The following HYDIN variants were observed in gnomAD, a reference collection of about 807,000 sequenced individuals.
The protein encoded by HYDIN is HYDIN axonemal central pair apparatus protein.
HYDIN carries 132 observed loss-of-function variants against 403.9 expected under a neutral mutation model. The ratio of observed to expected loss-of-function variants is 0.33; its 90% confidence interval spans 0.28 to 0.38. HYDIN has a LOEUF of 0.38. Among genes scored for constraint, HYDIN ranks in the 10% least tolerant of loss-of-function variants. HYDIN has a pLI of 1.00. For missense variants in HYDIN, 2,827 were observed against 5,009.5 expected (o/e 0.56, Z 13.15); for synonymous variants, 1,202 against 1,891.7 (o/e 0.64, Z 9.46).
chr16:70,992,684 C>T (rs1466537146), intron 23 of HYDIN, among the ~76,000 whole-genome samples: 1 of 151,218 alleles, frequency 6.6e-6, no homozygotes, highest in East Asian at 2.0e-4. Flanking sequence ...CCTGGAAGTG[C>T]AGGCTCGGGT....
chr16:70,921,849 T>C, intron 45 of HYDIN, among the ~76,000 whole-genome samples: 1 of 152,206 alleles, frequency 6.6e-6, no homozygotes. Flanking sequence ...GCTTTTAAAA[T>C]ATGTATTTAT....
chr16:71,010,290 T>A (rs560673664), intron 23 of HYDIN, among the ~76,000 whole-genome samples: 2 of 152,228 alleles, frequency 1.3e-5, no homozygotes, highest in South Asian at 4.2e-4. Flanking sequence ...CGCAAATACT[T>A]GAGCTCACAG....
chr16:70,841,290 C>A (rs1356035830), intron 75 of HYDIN, among the ~76,000 whole-genome samples: 1 of 152,120 alleles, frequency 6.6e-6, no homozygotes, highest in Non-Finnish European at 1.5e-5. Flanking sequence ...ATCTTCAACT[C>A]TTCTGCCAAC....
chr16:70,867,079 C>T (rs2039804185), intron 66 of HYDIN, among the ~76,000 whole-genome samples: 2 of 142,660 alleles, frequency 1.4e-5, no homozygotes, highest in African/African-American at 5.1e-5. Flanking sequence ...AGGATATTTG[C>T]AGACAAATAA....
chr16:71,205,640 T>G (rs1269327620), intron 1 of HYDIN, among the ~76,000 whole-genome samples: 1 of 152,174 alleles, frequency 6.6e-6, no homozygotes, highest in Non-Finnish European at 1.5e-5. Flanking sequence ...CAGGGCTCAG[T>G]GTCAGCTTCT....
At chr16:71,212,282 T>C (rs1332907979) in intron 1 of HYDIN, among the ~76,000 whole-genome samples, 1 of 152,180 alleles carries the variant, frequency 6.6e-6, no homozygotes, top group East Asian at 1.9e-4. Context: ...CCAGCTAATG[T>C]ATATAAGGGA....
chr16:71,207,704 C>T (rs1474030342), intron 1 of HYDIN, among the ~76,000 whole-genome samples: 2 of 151,868 alleles, frequency 1.3e-5, no homozygotes, highest in African/African-American at 4.8e-5. Context: ...CACCCATAGG[C>T]TTGAAGTAAA....
At chr16:70,879,981 A>C (rs538510463) in intron 60 of HYDIN, among the ~76,000 whole-genome samples, 1 of 54,868 alleles carries the variant, frequency 1.8e-5, no homozygotes, top group African/African-American at 1.2e-4. Flanking sequence ...TTGATGAACT[A>C]AGCCAGGAAT....
intron 85 of HYDIN, 89 bp downstream of exon 85, chr16:70,809,694 A>C: frequency 9.5e-7 from 1 of 1,048,724 alleles, no homozygotes; most frequent in East Asian, 2.4e-5. Flanking sequence ...TCTGAGTCTC[A>C]CATTCATGCT....
chr16:70,923,820 CAAAAA>C (rs11316592), intron 45 of HYDIN, among the ~76,000 whole-genome samples: 1 of 50,374 alleles, frequency 2.0e-5, no homozygotes. Flanking sequence ...GACTCTGTCT[CAAAAA>C]AAAAAAAAAA....
intron 14 of HYDIN, among the ~76,000 whole-genome samples, chr16:71,068,212 G>A (rs1207579933): frequency 6.7e-6 from 1 of 148,768 alleles, no homozygotes; most frequent in Non-Finnish European, 1.5e-5. Context: ...TGTATGTACT[G>A]GAAGAGATAG....
Position 70,872,059 on chromosome 16 carries a change from G to C in HYDIN, c.11069C>G (p.Ala3690Gly), listed in dbSNP as rs1020537578. 1.9e-6 allele frequency: 3 copies of C among 1,579,736 alleles called. No homozygotes were observed. Among genetic ancestry groups the C allele is most frequent in the Non-Finnish European group, 2.6e-6 (3 of 1,168,070 alleles). ...TACCTGTGGGGAGAAAGCAATTGTAGCTGAAACAGGCCATTCAAACCGTAT... is the reference window on the plus strand; with the variant it reads ...TACCTGTGGGGAGAAAGCAATTGTACCTGAAACAGGCCATTCAAACCGTAT... ...NLIRFEWPVSATIAFSPQMGH... is the reference protein window; with the variant it reads ...NLIRFEWPVSGTIAFSPQMGH... Residue 3690 changes from alanine to glycine, a missense_variant, in exon 65 of 86, where the codon GCT becomes GGT. Physicochemically the swap from Ala to Gly is moderately conservative, Grantham distance 60. Coordinates refer to ENST00000393567, the MANE Select transcript of HYDIN (RefSeq NM_001270974.2).
rs963438035 is a variant in HYDIN at position 70,946,858 on chromosome 16, G to C, written c.6532-2909C>G. 2.0e-5 allele frequency among the ~76,000 whole-genome samples: 3 copies of C among 152,168 alleles called. No individual in the cohort carries two copies. In the East Asian group the frequency reaches 5.8e-4, roughly 29 times the overall value. On this transcript the variant is annotated intron_variant, in intron 41 of 85. Coordinates refer to ENST00000393567, the MANE Select transcript of HYDIN (RefSeq NM_001270974.2). ...GTGTTGGATTAAATATCATTCAAAA[G>C]ATCAGGATTGTGATTTTTGTACATT...
intron 30 of HYDIN, 54 bp downstream of exon 30, chr16:70,978,860 C>T (rs1400764493): frequency 6.8e-7 from 1 of 1,470,650 alleles, no homozygotes; most frequent in African/African-American, 1.4e-5. Flanking sequence ...CCTATGCACT[C>T]TGCACGCACC....
chr16:71,138,956 T>C (rs2085048442), intron 7 of HYDIN, among the ~76,000 whole-genome samples: 1 of 152,056 alleles, frequency 6.6e-6, no homozygotes, highest in East Asian at 1.9e-4. Context: ...TGGTGGCGCA[T>C]GCCTGTAGTC....
rs2034975425 is a variant in HYDIN at position 70,803,351 on chromosome 16, C to A, written c.*4229G>T. ...GTAAGATTATTTATGCATAATTGAG[C>A]TAGCAGTGGTGGTAAAAATAAAGCC... is the stretch of plus-strand genomic sequence containing the variant. On this transcript the variant is annotated 3_prime_UTR_variant, in exon 86 of 86. Coordinates refer to ENST00000393567, the MANE Select transcript of HYDIN (RefSeq NM_001270974.2). Among the ~76,000 whole-genome samples the A allele has an allele frequency of 1.3e-5, 2 of 152,110 alleles. No individual in the cohort carries two copies. The highest frequency in any genetic ancestry group is 1.3e-4 in the Admixed American group (2 of 15,264).
intron 23 of HYDIN, among the ~76,000 whole-genome samples, chr16:71,008,565 A>G (rs1412918643): frequency 3.9e-5 from 6 of 152,040 alleles, no homozygotes; most frequent in African/African-American, 1.2e-4. Flanking sequence ...CTACTTGGAC[A>G]TATTCTTTGT....
chr16:70,948,591 G>T (rs1241586508), intron 41 of HYDIN, among the ~76,000 whole-genome samples: 5 of 151,520 alleles, frequency 3.3e-5, no homozygotes, highest in African/African-American at 9.7e-5. Flanking sequence ...AATCTATAAT[G>T]AACTCAAACA....
intron 11 of HYDIN, among the ~76,000 whole-genome samples, chr16:71,089,742 A>G (rs2083053174): frequency 6.6e-6 from 1 of 152,246 alleles, no homozygotes; most frequent in South Asian, 2.1e-4. Context: ...TACAGGAAAT[A>G]GTGGCTGACT....
Sources: allele counts gnomAD v4.1 joint callset (sites outside exome capture counted in the v4.1 genomes callset), GRCh38; gene constraint gnomAD v4.1.1; transcripts MANE v1.5; gene names NCBI Gene and HGNC (gene_info 2026-07-23, HGNC 2026-07-21).